CCDC136: variants seen among roughly 807,000 people sequenced by gnomAD.
CCDC136 encodes the protein coiled-coil domain-containing protein 136.
A neutral mutation model predicts 141.2 loss-of-function variants in CCDC136; 100 were observed. The ratio of observed to expected loss-of-function variants is 0.71; its 90% CI spans 0.60 to 0.84. The LOEUF (loss-of-function observed/expected upper bound fraction) is 0.84, where lower values mean the gene tolerates loss of function less well. Ranked by LOEUF, CCDC136 falls within the 40% of genes least tolerant of loss-of-function variation. The pLI is 0.00. For synonymous variants in CCDC136, 474 were observed against 531.9 expected (o/e 0.89, Z 1.50); for missense variants, 1,206 against 1,379.4 (o/e 0.87, Z 1.99).
At chr7:128,803,730 C>T (rs191465334) in intron 4 of CCDC136, among the ~76,000 whole-genome samples, 46 of 152,026 alleles carry the variant, frequency 3.0e-4, no homozygotes, top group African/African-American at 8.9e-4. Context: ...GTATTTCAAC[C>T]GGATCTCTTC....
At chr7:128,796,743 T>TATATATATA (rs1282909541) in intron 3 of CCDC136, among the ~76,000 whole-genome samples, 9 of 99,490 alleles carry the variant, frequency 9.0e-5, no homozygotes, top group African/African-American at 3.4e-4. Flanking sequence ...ATATATATTC[T>TATATATATA]TTTTTTTTTT....
chr7:128,815,872 G>T lies in CCDC136; in HGVS notation c.3304G>T (p.Asp1102Tyr). 1 of 1,613,856 alleles carries T rather than the reference G, an allele frequency of 6.2e-7. No individual in the cohort carries two copies. The highest frequency in any genetic ancestry group is 1.1e-5 in the South Asian group (1 of 91,000). The change falls in exon 16 of 18, where the codon GAC (aspartate) becomes TAC (tyrosine). Residue 1102 changes from aspartate (D) to tyrosine (Y), a missense_variant. Asp to Tyr is a radical substitution (Grantham distance 160). Transcript: ENST00000297788. The part of the protein sequence containing the change: ...EDSEEEEDDA[D>Y]SSLESPEENN... ...CAGTGAAGAGGAGGAGGATGACGCC[G>T]ACTCTTCCCTTGAAAGTCCCGAAGA... is the stretch of plus-strand genomic sequence containing the variant.
chr7:128,807,271 A>G, intron 9 of CCDC136, 89 bp from the exon 10 acceptor site: 1 of 970,296 alleles, frequency 1.0e-6, no homozygotes, highest in Non-Finnish European at 1.4e-6. Flanking sequence ...GGACAAGGGA[A>G]GATGGGTCCC....
At chr7:128,799,183 A>T (rs2128900701) in intron 3 of CCDC136, among the ~76,000 whole-genome samples, 1 of 148,160 alleles carries the variant, frequency 6.7e-6, no homozygotes. Flanking sequence ...AAAAAAAAAA[A>T]AAAAAAAAAA....
intron 14 of CCDC136, 121 bp downstream of exon 14, chr7:128,813,050 G>C: frequency 1.5e-6 from 1 of 685,246 alleles, no homozygotes; most frequent in South Asian, 1.8e-5. Flanking sequence ...TCAGAGGCTG[G>C]GCAGTCTGCT....
chr7:128,812,732 G>A lies in CCDC136; in HGVS notation c.2566G>A (p.Val856Met). ...GCGCTTTGAGGAAATGGTTGTGAAA[G>A]TGCTGATCAAGCTGCAGGCGGTGCA... ...MERFEEMVVK[V>M]LIKLQAVQAM... The change falls in exon 14 of 18, where the codon GTG becomes ATG. Residue 856 changes from valine (V) to methionine (M), a missense_variant. Physicochemically the swap from Val to Met is conservative, Grantham distance 21 (BLOSUM62 1). Transcript: ENST00000297788. The A allele has an allele frequency of 2.5e-6, 4 of 1,613,416 alleles. No individual in the cohort carries two copies. In the South Asian group the frequency reaches 4.4e-5, roughly 18 times the overall value.
chr7:128,811,182 C>T, intron 12 of CCDC136: 4 of 403,568 alleles, frequency 9.9e-6, no homozygotes, highest in South Asian at 7.3e-5. Context: ...GATCATATTC[C>T]AGGGGCATCA....
rs1805834246 is a variant in CCDC136, at chr7:128,812,174, G to T, written c.2403G>T (p.Gly801=). The change falls in exon 13 of 18, where the codon GGG becomes GGT. Residue 801 remains glycine (G), a synonymous_variant. Transcript: ENST00000297788. ...GCACCAGTGCCAGTGAGGCCTATGG[G>T]AAGAGTTACTGCACTACCAGCAACA... is the stretch of plus-strand genomic sequence containing the variant. The part of the protein sequence containing the change: ...DSSTSASEAY[G]KSYCTTSNSS... 6.2e-7 allele frequency: 1 copy of T among 1,614,020 alleles called. No individual in the cohort carries two copies. The highest frequency in any genetic ancestry group is 8.5e-7 in the Non-Finnish European group (1 of 1,179,898).
intron 10 of CCDC136, 55 bp from the exon 11 acceptor site, chr7:128,809,395 C>A: frequency 7.9e-7 from 1 of 1,262,430 alleles, no homozygotes; most frequent in Non-Finnish European, 1.1e-6. Flanking sequence ...GTTAGCCACC[C>A]AAGAAGCTTA....
At chr7:128,804,932 G>A (rs1804604482) in intron 5 of CCDC136, among the ~76,000 whole-genome samples, 171 bp downstream of exon 5, 1 of 152,162 alleles carries the variant, frequency 6.6e-6, no homozygotes, top group Admixed American at 6.5e-5. Flanking sequence ...GCAGACATGG[G>A]GATCCGACCC....
At chr7:128,791,672 C>T, upstream of CCDC136, 1 of 632,594 alleles carries the variant, frequency 1.6e-6, no homozygotes, top group Non-Finnish European at 2.3e-6. This position sits in a 1 kb window ranked among gnomAD's most constrained non-coding sequence, Gnocchi z 7.1. Flanking sequence ...CCAAAGTCTT[C>T]CTCCCTCCAT....
At position 128,806,358 on chromosome 7, in the gene CCDC136, T is replaced by C. The variant is rs1467951765; in HGVS notation, c.1211T>C (p.Val404Ala). Residue 404 changes from valine (V) to alanine (A), a missense_variant, in exon 8 of 18, where the codon GTC becomes GCC. By Grantham distance (64) the Val-to-Ala change is moderately conservative. Transcript: ENST00000297788. ...CAGACTGAGCTCCGGCAGCTCAAAG[T>C]CATGAAATCCACACTTGTAGAAAAC... ...QLQTELRQLKVMKSTLVENQS... is the reference protein window; with the variant it reads ...QLQTELRQLKAMKSTLVENQS... The C allele has an allele frequency of 6.2e-6, 10 of 1,604,774 alleles. No homozygotes were observed. In the Admixed American group the frequency reaches 1.7e-4, roughly 27 times the overall value.
intron 9 of CCDC136, 111 bp downstream of exon 9, chr7:128,806,969 G>A (rs758117794): frequency 6.6e-5 from 77 of 1,163,280 alleles, no homozygotes; most frequent in Non-Finnish European, 8.7e-5. Context: ...TGGCAGTGAG[G>A]GGGCCAAAGA....
At chr7:128,796,952 G>A (rs919660302) in intron 3 of CCDC136, among the ~76,000 whole-genome samples, 6 of 150,934 alleles carry the variant, frequency 4.0e-5, no homozygotes, top group African/African-American at 1.2e-4. Context: ...CGTTTTAGCC[G>A]GGATGGTCTC....
Position 128,812,017 on chromosome 7 carries a change from G to A in CCDC136, c.2246G>A (p.Gly749Asp), listed in dbSNP as rs753333592. ...MSLESYGKSY[G>D]SMVPSNENCR... is the part of the protein sequence containing the mutation. ...CTTGAGTCCTACGGGAAGAGCTATG[G>A]TAGCATGGTCCCCAGCAATGAGAAC... Residue 749 changes from glycine to aspartate, a missense_variant, in exon 13 of 18, where the codon GGT becomes GAT. Physicochemically the swap from Gly to Asp is moderately conservative, Grantham distance 94 (BLOSUM62 -1). Coordinates refer to ENST00000297788, the MANE Select transcript of CCDC136 (RefSeq NM_022742.5). 2 of 1,614,036 alleles carry A rather than the reference G, an allele frequency of 1.2e-6. No individual in the cohort carries two copies. Among genetic ancestry groups the A allele is most frequent in the Non-Finnish European group, 1.7e-6 (2 of 1,179,884 alleles).
At chr7:128,799,722 G>C (rs1409327870) in intron 3 of CCDC136, among the ~76,000 whole-genome samples, 1 of 152,112 alleles carries the variant, frequency 6.6e-6, no homozygotes, top group Non-Finnish European at 1.5e-5. Context: ...GTTGGGGGAA[G>C]GGGATGGGAG....
At chr7:128,796,739 A>ATATATATATTTTTTTTTTTTT in intron 3 of CCDC136, among the ~76,000 whole-genome samples, 1 of 113,376 alleles carries the variant, frequency 8.8e-6, no homozygotes, top group Non-Finnish European at 1.7e-5. Flanking sequence ...ATATATATAT[A>ATATATATATTTTTTTTTTTTT]TTCTTTTTTT....
intron 12 of CCDC136, among the ~76,000 whole-genome samples, chr7:128,811,059 C>T (rs766130683): frequency 9.9e-5 from 15 of 152,138 alleles, no homozygotes; most frequent in Admixed American, 2.0e-4. Context: ...GAGGTCTCAG[C>T]GTGGGCAAGG....
chr7:128,808,541 GA>G, intron 10 of CCDC136: 1 of 985,342 alleles, frequency 1.0e-6, no homozygotes, highest in South Asian at 4.7e-5. Flanking sequence ...ATGGGAAATG[GA>G]AAGGTGTTGA....
Sources: gnomAD v4.1 joint callset for allele counts (sites outside exome capture counted in the v4.1 genomes callset) on GRCh38, gnomAD v4.1.1 for gene constraint, Gnocchi (gnomAD v3.1) non-coding constraint, MANE v1.5 for transcripts, NCBI Gene and HGNC (gene_info 2026-07-23, HGNC 2026-07-21) for gene names.